Variants in NELL1 observed in about 807,000 individuals in gnomAD.
The protein encoded by NELL1 is protein kinase C-binding protein NELL1.
In NELL1, 76 loss-of-function variants were observed where a neutral mutation model predicts 107.4. The ratio of observed to expected loss-of-function variants is 0.71; its 90% CI spans 0.59 to 0.86. The LOEUF (loss-of-function observed/expected upper bound fraction) is 0.86, where lower values mean the gene tolerates loss of function less well. NELL1 is among the 40% of genes least tolerant of loss of function. NELL1 has a pLI of 0.00. For synonymous variants in NELL1, 353 were observed against 341.2 expected (o/e 1.03, Z -0.38); for missense variants, 1,024 against 1,005.5 (o/e 1.02, Z -0.25).
intron 11 of NELL1, among the ~76,000 whole-genome samples, 183 bp from the exon 12 acceptor site, chr11:20,960,249 G>A (rs1016070169): frequency 1.3e-5 from 2 of 152,114 alleles, no homozygotes; most frequent in African/African-American, 2.4e-5. Flanking sequence ...AGCCTCTTAC[G>A]CCTTGGACAG....
intron 15 of NELL1, among the ~76,000 whole-genome samples, chr11:21,464,197 A>G (rs1407936930): frequency 2.6e-5 from 4 of 152,054 alleles, no homozygotes; most frequent in Non-Finnish European, 1.5e-5. Context: ...CCCAGACTCA[A>G]TAGTGGATAA....
rs568604221 is a variant in NELL1 at position 21,192,118 on chromosome 11, T to A, written c.1427-37214T>A. 3.3e-5 allele frequency among the ~76,000 whole-genome samples: 5 copies of A among 152,042 alleles called. No individual in the cohort carries two copies. The South Asian group carries it at 1.0e-3, about 31-fold the overall frequency. On this transcript the variant is annotated intron_variant, in intron 13 of 19. Transcript: ENST00000357134. ...TTTCCTACTTATGTGGTAATAATTA[T>A]GGTTCTTTATTTCATATGGCAGGGA...
chr11:20,885,420 T>G, intron 4 of NELL1, 24 bp from the exon 5 acceptor site: 1 of 1,460,424 alleles, frequency 6.8e-7, no homozygotes, highest in Non-Finnish European at 9.6e-7. Context: ...TCTCTATTAG[T>G]AACTGTGTTC....
intron 15 of NELL1, among the ~76,000 whole-genome samples, chr11:21,499,684 C>G (rs1374341425): frequency 6.6e-6 from 1 of 152,004 alleles, no homozygotes; most frequent in Non-Finnish European, 1.5e-5. Context: ...TTCTTCTGCC[C>G]TTAGGGAGAG....
At chr11:21,241,436 T>A (rs1565126636) in intron 14 of NELL1, among the ~76,000 whole-genome samples, 1 of 152,254 alleles carries the variant, frequency 6.6e-6, no homozygotes, top group Non-Finnish European at 1.5e-5. Flanking sequence ...CTTAAATAGA[T>A]CTGTTACCTT....
At chr11:21,367,576 C>T (rs993397462) in intron 14 of NELL1, among the ~76,000 whole-genome samples, 2 of 152,024 alleles carry the variant, frequency 1.3e-5, no homozygotes. Flanking sequence ...ATAACTGTAC[C>T]GTTATCTGGA....
intron 4 of NELL1, among the ~76,000 whole-genome samples, chr11:20,868,736 A>C (rs1456004968): frequency 1.3e-5 from 2 of 152,146 alleles, no homozygotes; most frequent in African/African-American, 4.8e-5. Flanking sequence ...GTCCATTATA[A>C]ATCTGGGAAA....
At chr11:21,145,180 C>T (rs533993521) in intron 13 of NELL1, among the ~76,000 whole-genome samples, 2 of 152,148 alleles carry the variant, frequency 1.3e-5, no homozygotes, top group South Asian at 2.1e-4. Flanking sequence ...GGCAGTGTTT[C>T]GTATAGAATA....
At chr11:21,092,413 GAATA>G (rs1854542377) in intron 12 of NELL1, among the ~76,000 whole-genome samples, 1 of 152,158 alleles carries the variant, frequency 6.6e-6, no homozygotes, top group African/African-American at 2.4e-5. Context: ...AAAATGGAAT[GAATA>G]AAGATACTAT....
chr11:20,897,143 T>A (rs892820031), intron 5 of NELL1, among the ~76,000 whole-genome samples: 5 of 152,162 alleles, frequency 3.3e-5, no homozygotes, highest in Non-Finnish European at 7.4e-5. Context: ...GGAGGCATCA[T>A]GCTACCTGAC....
chr11:20,734,260 C>T (rs1052699488), intron 2 of NELL1, among the ~76,000 whole-genome samples: 12 of 152,068 alleles, frequency 7.9e-5, no homozygotes, highest in Non-Finnish European at 1.3e-4. Context: ...CATATTGGGC[C>T]TTAGAGGTTA....
chr11:21,129,166 A>ATG (rs1021132594), intron 13 of NELL1, among the ~76,000 whole-genome samples: 57 of 151,560 alleles, frequency 3.8e-4, no homozygotes, highest in African/African-American at 1.2e-3. Flanking sequence ...TATTGTGTGT[A>ATG]TGTGTGTGTG....
chr11:20,930,516 T>C (rs1342147303), intron 9 of NELL1, among the ~76,000 whole-genome samples: 3 of 152,208 alleles, frequency 2.0e-5, no homozygotes, highest in African/African-American at 7.2e-5. Context: ...CTTTTCACTA[T>C]TATAAAGCAC....
intron 14 of NELL1, among the ~76,000 whole-genome samples, chr11:21,262,080 C>T (rs946381498): frequency 3.3e-5 from 5 of 151,724 alleles, no homozygotes; most frequent in Non-Finnish European, 7.4e-5. Flanking sequence ...GCTCTTCGTT[C>T]CTCTTGTCAT....
At chr11:21,064,119 C>G (rs1232891327) in intron 12 of NELL1, among the ~76,000 whole-genome samples, 2 of 152,128 alleles carry the variant, frequency 1.3e-5, no homozygotes, top group Non-Finnish European at 2.9e-5. Flanking sequence ...AGTCAGGAAA[C>G]AGCTAGAAGG....
intron 12 of NELL1, among the ~76,000 whole-genome samples, chr11:21,093,205 T>C (rs1854560907): frequency 6.6e-6 from 1 of 152,180 alleles, no homozygotes; most frequent in South Asian, 2.1e-4. Flanking sequence ...TTCATGAGCC[T>C]GTGTGAACTT....
chr11:21,415,284 C>T (rs1343850943), intron 15 of NELL1, among the ~76,000 whole-genome samples: 1 of 152,060 alleles, frequency 6.6e-6, no homozygotes, highest in South Asian at 2.1e-4. Context: ...GCTTGTCAGC[C>T]GTGTCCAGAG....
intron 7 of NELL1, among the ~76,000 whole-genome samples, chr11:20,925,072 A>G (rs867482250): frequency 1.3e-5 from 2 of 152,330 alleles, no homozygotes; most frequent in Middle Eastern, 3.4e-3. Flanking sequence ...TGCATACGTT[A>G]TATGCAAACT....
intron 7 of NELL1, among the ~76,000 whole-genome samples, chr11:20,925,400 C>T (rs1564969845): frequency 6.6e-6 from 1 of 151,264 alleles, no homozygotes; most frequent in Non-Finnish European, 1.5e-5. Flanking sequence ...CATGTCTCAG[C>T]CTCCAGAGTA....
Sources: allele counts gnomAD v4.1 joint callset (sites outside exome capture counted in the v4.1 genomes callset), GRCh38; gene constraint gnomAD v4.1.1; transcripts MANE v1.5; gene names NCBI Gene and HGNC (gene_info 2026-07-23, HGNC 2026-07-21).